The following ROBO2 variants were observed in gnomAD, a reference collection of about 807,000 sequenced individuals.
The protein encoded by ROBO2 is roundabout homolog 2.
ROBO2 carries 53 observed loss-of-function variants against 160.8 expected under a neutral mutation model. The ratio of observed to expected loss-of-function variants is 0.33; its 90% CI spans 0.26 to 0.41. The LOEUF (loss-of-function observed/expected upper bound fraction) is 0.41. Among genes scored for constraint, ROBO2 ranks in the 10% least tolerant of loss-of-function variants. The pLI is 1.00. For synonymous variants in ROBO2, 664 were observed against 611.7 expected (o/e 1.09, Z -1.26); for missense variants, 1,577 against 1,722.4 (o/e 0.92, Z 1.49).
At chr3:77,039,030 C>T (rs572034618), upstream of ROBO2, among the ~76,000 whole-genome samples, 7 of 152,316 alleles carry the variant, frequency 4.6e-5, no homozygotes, top group African/African-American at 1.7e-4. Context: ...CTCCCTCGCC[C>T]TGCGCGATCG....
At chr3:77,378,349 C>T (rs1311439860) in intron 2 of ROBO2, among the ~76,000 whole-genome samples, 3 of 152,044 alleles carry the variant, frequency 2.0e-5, no homozygotes, top group Non-Finnish European at 4.4e-5. Flanking sequence ...ATGATGTTAT[C>T]CCCATTTTAT....
chr3:77,273,648 A>G (rs948164575), intron 2 of ROBO2, among the ~76,000 whole-genome samples: 1 of 152,158 alleles, frequency 6.6e-6, no homozygotes, highest in African/African-American at 2.4e-5. Flanking sequence ...AACTTGGATG[A>G]CTTAAAAACA....
intron 2 of ROBO2, among the ~76,000 whole-genome samples, chr3:77,177,737 A>G (rs562146343): frequency 6.6e-6 from 1 of 152,026 alleles, no homozygotes; most frequent in Non-Finnish European, 1.5e-5. Flanking sequence ...GTAGAAAATT[A>G]AATTTTTAAT....
intron 2 of ROBO2, among the ~76,000 whole-genome samples, chr3:77,256,124 T>C (rs1408724304): frequency 6.6e-6 from 1 of 152,162 alleles, no homozygotes; most frequent in Non-Finnish European, 1.5e-5. Flanking sequence ...TGTCTGCAGG[T>C]TATTTGTTTT....
At position 76,069,772 on chromosome 3, in the gene ROBO2, CAGAG is replaced by C. The variant is rs1226954197; in HGVS notation, c.109+132174_109+132177del. The stretch of plus-strand genomic sequence containing the variant: ...GCTAAGGGAAAGTCTAAGCTAAACT[CAGAG>C]AGAAGAGGTGTTGCGGGAAGTCAGG... On this transcript the variant is annotated intron_variant, in intron 2 of 26. Transcript: ENST00000487694. Among the ~76,000 whole-genome samples the C allele has an allele frequency of 2.0e-5, 3 of 152,104 alleles. 1 individual carries two copies. The highest frequency in any genetic ancestry group is 1.3e-4 in the Admixed American group (2 of 15,252).
intron 2 of ROBO2, among the ~76,000 whole-genome samples, chr3:77,445,793 T>G (rs13433977): frequency 0.021 from 2,315 of 109,184 alleles, 25 homozygotes; most frequent in African/African-American, 0.051. Context: ...GGTTTTTTTT[T>G]GTTTTTTTTT....
At chr3:77,217,073 G>A (rs971074005) in intron 2 of ROBO2, among the ~76,000 whole-genome samples, 15 of 151,834 alleles carry the variant, frequency 9.9e-5, no homozygotes, top group Non-Finnish European at 2.2e-4. Flanking sequence ...ATACATGCAA[G>A]GCCCTTAATC....
intron 2 of ROBO2, among the ~76,000 whole-genome samples, chr3:76,979,023 G>GACTC (rs2059955859): frequency 6.6e-6 from 1 of 151,612 alleles, no homozygotes; most frequent in African/African-American, 2.4e-5. Context: ...GCTCACTGTA[G>GACTC]ACTCAACATC....
intron 2 of ROBO2, among the ~76,000 whole-genome samples, chr3:76,392,788 A>G (rs190116712): frequency 1.2e-4 from 18 of 152,288 alleles, no homozygotes; most frequent in African/African-American, 4.1e-4. Context: ...TACATTTTAT[A>G]TAGGCTGGGA....
chr3:75,963,724 A>G (rs1949006283), intron 2 of ROBO2, among the ~76,000 whole-genome samples: 1 of 151,686 alleles, frequency 6.6e-6, no homozygotes, highest in African/African-American at 2.4e-5. Context: ...GAGGCTGTAA[A>G]TCCAAGGTCA....
chr3:76,210,523 A>C (rs1235987509), intron 2 of ROBO2, among the ~76,000 whole-genome samples: 1 of 152,064 alleles, frequency 6.6e-6, no homozygotes. Flanking sequence ...GTGTAAAAAA[A>C]TTTGTTCTCA....
intron 2 of ROBO2, among the ~76,000 whole-genome samples, chr3:76,932,011 A>G (rs181042698): frequency 1.5e-3 from 223 of 152,308 alleles, no homozygotes; most frequent in Non-Finnish European, 1.6e-3. Context: ...ATGTGCCCAA[A>G]TCACCATGGA....
chr3:76,320,453 A>G (rs1344082107), intron 2 of ROBO2, among the ~76,000 whole-genome samples: 3 of 152,156 alleles, frequency 2.0e-5, no homozygotes, highest in African/African-American at 7.2e-5. Context: ...AGCTATTAGG[A>G]CAGACCCTAC....
intron 1 of ROBO2, among the ~76,000 whole-genome samples, chr3:77,089,780 A>C (rs1212298759): frequency 6.6e-6 from 1 of 152,162 alleles, no homozygotes; most frequent in Non-Finnish European, 1.5e-5. Context: ...TAGAAAAAAA[A>C]AGTTATCTCA....
At chr3:77,632,312 A>G in intron 23 of ROBO2, 2 of 546,194 alleles carry the variant, frequency 3.7e-6, no homozygotes, top group Non-Finnish European at 6.3e-6. Flanking sequence ...TTCTGCACAA[A>G]AAATGTTTAA....
intron 2 of ROBO2, among the ~76,000 whole-genome samples, chr3:77,352,123 G>T (rs150600600): frequency 6.9e-6 from 1 of 143,974 alleles, no homozygotes; most frequent in African/African-American, 2.5e-5. Context: ...AAAAAAAAGA[G>T]TCGCAGGTAT....
intron 1 of ROBO2, among the ~76,000 whole-genome samples, chr3:77,061,923 T>C (rs2066355702): frequency 6.6e-6 from 1 of 152,296 alleles, no homozygotes; most frequent in Middle Eastern, 3.4e-3. Context: ...TGATCTGACA[T>C]CCTTTTGTCA....
At chr3:77,493,984 A>G (rs891047037) in intron 5 of ROBO2, among the ~76,000 whole-genome samples, 2 of 152,118 alleles carry the variant, frequency 1.3e-5, no homozygotes, top group Non-Finnish European at 2.9e-5. Flanking sequence ...TCTTATCACA[A>G]AACCCCCAAA....
At chr3:77,314,135 A>G (rs894107167) in intron 2 of ROBO2, among the ~76,000 whole-genome samples, 4 of 152,206 alleles carry the variant, frequency 2.6e-5, no homozygotes, top group Admixed American at 1.3e-4. Context: ...GTTACAACTC[A>G]TAGGCCACAA....
Sources: gnomAD v4.1 joint callset for allele counts (sites outside exome capture counted in the v4.1 genomes callset) on GRCh38, gnomAD v4.1.1 for gene constraint, MANE v1.5 for transcripts, NCBI Gene and HGNC (gene_info 2026-07-23, HGNC 2026-07-21) for gene names.